Variants in DHRSX observed in about 807,000 individuals in gnomAD.
DHRSX encodes dehydrogenase/reductase X-linked.
A neutral mutation model predicts 34.0 loss-of-function variants in DHRSX; 31 were observed. That is an observed-to-expected ratio of 0.91 (90% confidence interval 0.69 to 1.23). The LOEUF is 1.23. Ranked by LOEUF, DHRSX falls within the 50% of genes most tolerant of loss-of-function variation. DHRSX has a pLI of 0.00. For synonymous variants in DHRSX, 201 were observed against 183.8 expected (o/e 1.09, Z -0.76); for missense variants, 414 against 428.1 (o/e 0.97, Z 0.29).
At chrX:2,370,168 G>A (rs1454121903) in intron 3 of DHRSX, among the ~76,000 whole-genome samples, 1 of 140,590 alleles carries the variant, frequency 7.1e-6, no homozygotes, top group Non-Finnish European at 1.6e-5. Flanking sequence ...AGTTTGAGGA[G>A]TCCCAGTTCG....
At chrX:2,360,744 T>C (rs1055706594) in intron 3 of DHRSX, among the ~76,000 whole-genome samples, 12 of 151,974 alleles carry the variant, frequency 7.9e-5, no homozygotes, top group African/African-American at 2.9e-4. Flanking sequence ...GCTCTCTTGG[T>C]GGAGTTGGTA....
At position 2,394,895 on chromosome X, in the gene DHRSX, G is replaced by T. The variant is rs1163344832; in HGVS notation, c.286+13850C>A. Among the ~76,000 whole-genome samples, 5 of 152,042 alleles carry T rather than the reference G, an allele frequency of 3.3e-5. No individual in the cohort carries two copies. In the East Asian group the frequency reaches 7.8e-4, roughly 24 times the overall value. ...AAAAAAAAAAAAAGAGTTGGAGTTGGAGTTCCAGGTAGTGATGAGAGGTTG... is the reference window on the plus strand; with the variant it reads ...AAAAAAAAAAAAAGAGTTGGAGTTGTAGTTCCAGGTAGTGATGAGAGGTTG... On this transcript the variant is annotated intron_variant, in intron 3 of 6. Coordinates refer to ENST00000334651, the MANE Select transcript of DHRSX (RefSeq NM_145177.3).
chrX:2,457,063 A>G (rs941343901), intron 1 of DHRSX, among the ~76,000 whole-genome samples: 3 of 152,098 alleles, frequency 2.0e-5, no homozygotes, highest in Non-Finnish European at 4.4e-5. Flanking sequence ...GTGGTGACAG[A>G]TGAGTGGGAT....
chrX:2,321,778 C>A (rs2042314760), intron 3 of DHRSX, among the ~76,000 whole-genome samples: 1 of 152,038 alleles, frequency 6.6e-6, no homozygotes, highest in Non-Finnish European at 1.5e-5. Flanking sequence ...GGGTCCACTT[C>A]TACGGGCATT....
intron 3 of DHRSX, among the ~76,000 whole-genome samples, chrX:2,349,757 T>C (rs762084934): frequency 6.6e-6 from 1 of 152,044 alleles, no homozygotes; most frequent in Non-Finnish European, 1.5e-5. Flanking sequence ...CGGAAGGTAA[T>C]TGGGCTGAGC....
chrX:2,423,088 C>A (rs1389986346), intron 2 of DHRSX, among the ~76,000 whole-genome samples: 5 of 150,442 alleles, frequency 3.3e-5, no homozygotes, highest in African/African-American at 1.2e-4. Flanking sequence ...CAGGCATAAG[C>A]CACCACGCCC....
chrX:2,259,307 G>GATATAGATATATAGATAGATATAGATAT (rs2041323594), intron 5 of DHRSX, among the ~76,000 whole-genome samples: 1 of 145,908 alleles, frequency 6.9e-6, no homozygotes, highest in Non-Finnish European at 1.5e-5. Flanking sequence ...TATAGATATA[G>GATATAGATATATAGATAGATATAGATAT]ATATAGATAT....
intron 3 of DHRSX, among the ~76,000 whole-genome samples, chrX:2,345,595 C>G (rs73630281): frequency 5.4e-5 from 8 of 147,612 alleles, no homozygotes; most frequent in African/African-American, 7.7e-5. Context: ...TGCATTGAGC[C>G]AAGATCGCAC....
chrX:2,256,568 A>G (rs1330159895), intron 5 of DHRSX, among the ~76,000 whole-genome samples: 8 of 152,116 alleles, frequency 5.3e-5, no homozygotes, highest in African/African-American at 1.9e-4. Context: ...AGTGCTTTCT[A>G]TTGAAATTTA....
At chrX:2,236,580 C>T (rs1326733084) in intron 6 of DHRSX, among the ~76,000 whole-genome samples, 1 of 151,936 alleles carries the variant, frequency 6.6e-6, no homozygotes, top group Non-Finnish European at 1.5e-5. Context: ...TACAGGCGTC[C>T]GCCACCATGC....
intron 3 of DHRSX, among the ~76,000 whole-genome samples, chrX:2,377,050 C>T (rs1198433257): frequency 2.0e-5 from 3 of 151,532 alleles, no homozygotes; most frequent in Admixed American, 6.6e-5. Context: ...GAGATGGCCA[C>T]GACAAAGGCA....
chrX:2,484,261 C>T (rs1475217662), intron 1 of DHRSX, among the ~76,000 whole-genome samples: 1 of 152,194 alleles, frequency 6.6e-6, no homozygotes, highest in Non-Finnish European at 1.5e-5. Flanking sequence ...ATGTGAGCCA[C>T]CACACCCAGC....
chrX:2,448,576 T>A (rs28631644), intron 1 of DHRSX, among the ~76,000 whole-genome samples: 92,852 of 148,550 alleles, frequency 0.63, 30,687 homozygotes, highest in African/African-American at 0.85. Context: ...TTAATGTGTT[T>A]ATTAGCTTGA....
At chrX:2,396,375 C>CT (rs1204243041) in intron 3 of DHRSX, among the ~76,000 whole-genome samples, 36,186 of 98,278 alleles carry the variant, frequency 0.37, 8,293 homozygotes, top group African/African-American at 0.48. Flanking sequence ...CTTTCTTTTT[C>CT]TTTTTTTTTT....
intron 3 of DHRSX, among the ~76,000 whole-genome samples, chrX:2,351,983 G>C (rs188849492): frequency 6.6e-6 from 1 of 152,166 alleles, no homozygotes; most frequent in Non-Finnish European, 1.5e-5. Context: ...GCCTCCCAAA[G>C]TGCTGGGGTT....
chrX:2,235,378 G>A (rs1261760080), intron 6 of DHRSX, among the ~76,000 whole-genome samples: 8 of 152,128 alleles, frequency 5.3e-5, no homozygotes, highest in Admixed American at 4.6e-4. Flanking sequence ...GGACTTCACC[G>A]CTGTGCAATG....
chrX:2,459,492 G>C (rs1420784246), intron 1 of DHRSX, among the ~76,000 whole-genome samples: 2 of 146,322 alleles, frequency 1.4e-5, no homozygotes, highest in Non-Finnish European at 3.0e-5. Context: ...ATGTGTACTT[G>C]GATTAAAACA....
intron 3 of DHRSX, among the ~76,000 whole-genome samples, chrX:2,298,031 C>T (rs770508304): frequency 6.6e-6 from 1 of 152,164 alleles, no homozygotes; most frequent in African/African-American, 2.4e-5. Context: ...GCTGGGATGA[C>T]AGGCATGAGC....
At chrX:2,359,795 C>T (rs1353079793) in intron 3 of DHRSX, among the ~76,000 whole-genome samples, 8 of 151,948 alleles carry the variant, frequency 5.3e-5, no homozygotes, top group Admixed American at 1.3e-4. Flanking sequence ...GAGCTGGAGG[C>T]GATTATCCTC....
Sources: allele counts gnomAD v4.1 joint callset (sites outside exome capture counted in the v4.1 genomes callset), GRCh38; gene constraint gnomAD v4.1.1; transcripts MANE v1.5; gene names NCBI Gene and HGNC (gene_info 2026-07-23, HGNC 2026-07-21).